Variants in TXNRD1 observed in about 807,000 individuals in gnomAD.
The protein encoded by TXNRD1 is thioredoxin reductase 1, cytoplasmic.
TXNRD1 carries 57 observed loss-of-function variants against 80.3 expected under a neutral mutation model. The ratio of observed to expected loss-of-function variants is 0.71; its 90% CI spans 0.57 to 0.89. TXNRD1 has a LOEUF of 0.89. Ranked by LOEUF, TXNRD1 falls within the 40% of genes least tolerant of loss-of-function variation. The probability of loss-of-function intolerance (pLI) is 0.00; values close to 1 mark genes in which losing one functional copy is unlikely to be tolerated. For missense variants in TXNRD1, 730 were observed against 803.0 expected, an observed-to-expected ratio of 0.91 and a Z score of 1.10; for synonymous variants, 291 against 285.2, an observed-to-expected ratio of 1.02 and a Z score of -0.20.
intron 3 of TXNRD1, among the ~76,000 whole-genome samples, chr12:104,258,539 T>C (rs529981951): frequency 2.1e-4 from 32 of 152,212 alleles, no homozygotes; most frequent in African/African-American, 6.7e-4. Context: ...GAGAGAAAGA[T>C]TGGTGGAGTA....
At chr12:104,306,853 T>C (rs2034936795) in intron 4 of TXNRD1, among the ~76,000 whole-genome samples, 2 of 152,178 alleles carry the variant, frequency 1.3e-5, no homozygotes, top group African/African-American at 4.8e-5. Flanking sequence ...AGAGATCTGC[T>C]GTTGGAAGAA....
intron 3 of TXNRD1, 102 bp downstream of exon 3, chr12:104,258,181 T>TAAAC: frequency 1.2e-6 from 1 of 854,846 alleles, no homozygotes; most frequent in African/African-American, 1.7e-5. Flanking sequence ...TTTTATTGTT[T>TAAAC]AGTGAGCACT....
intron 4 of TXNRD1, chr12:104,309,916 T>C (rs990045644): frequency 1.0e-5 from 16 of 1,536,032 alleles, no homozygotes; most frequent in Non-Finnish European, 1.3e-5. Context: ...CTTCAGTCCC[T>C]GAGCCACTAC....
At chr12:104,318,498 C>G (rs973738501) in intron 7 of TXNRD1, among the ~76,000 whole-genome samples, 1 of 152,166 alleles carries the variant, frequency 6.6e-6, no homozygotes, top group African/African-American at 2.4e-5. Flanking sequence ...TGGATTGGCC[C>G]ATGGTGCAGT....
chr12:104,278,224 G>A (rs1753484148), intron 3 of TXNRD1, among the ~76,000 whole-genome samples: 1 of 118,636 alleles, frequency 8.4e-6, no homozygotes, highest in Admixed American at 1.1e-4. Context: ...TTTTTGAGAC[G>A]GAGTCTTGCT....
chr12:104,266,448 C>T (rs1275151305), intron 3 of TXNRD1, among the ~76,000 whole-genome samples: 1 of 149,378 alleles, frequency 6.7e-6, no homozygotes, highest in Non-Finnish European at 1.5e-5. Flanking sequence ...ATCGCTTGAA[C>T]CCGGGAGGTG....
chr12:104,307,245 T>TA (rs1365212641), intron 4 of TXNRD1, among the ~76,000 whole-genome samples: 4 of 152,228 alleles, frequency 2.6e-5, no homozygotes, highest in African/African-American at 9.6e-5. Context: ...TTCTTGCTAA[T>TA]ACGTTTGTAT....
chr12:104,322,566 A>C (rs1278568930), intron 10 of TXNRD1, among the ~76,000 whole-genome samples: 1 of 151,674 alleles, frequency 6.6e-6, no homozygotes, highest in East Asian at 1.9e-4. Context: ...TTTTCAGTAG[A>C]GAGGGCTTTC....
chr12:104,249,203 T>C (rs1403311774), intron 1 of TXNRD1, among the ~76,000 whole-genome samples: 1 of 152,192 alleles, frequency 6.6e-6, no homozygotes, highest in African/African-American at 2.4e-5. Context: ...TGATTCTCAG[T>C]AGGTACCTTC....
At chr12:104,323,555 ACGGGGCGGC>A in intron 10 of TXNRD1, among the ~76,000 whole-genome samples, 4 of 124,666 alleles carry the variant, frequency 3.2e-5, no homozygotes, top group Admixed American at 1.5e-4. Flanking sequence ...TCCCTCCCGG[ACGGGGCGGC>A]TGGCCGGGCG....
chr12:104,348,361 A>G lies in TXNRD1; in HGVS notation c.1890A>G (p.Thr630=). ...GIHPVCAEVF[T]TLSVTKRSGA... ...TTTCTCTTCCCCTGCAGGTATTCAC[A>G]ACATTGTCTGTGACCAAGCGCTCTG... The change falls in exon 17 of 17, where the codon ACA becomes ACG. Residue 630 remains threonine, a synonymous_variant. Transcript: ENST00000525566. 6.2e-7 allele frequency: 1 copy of G among 1,613,988 alleles called. No individual in the cohort carries two copies.
intron 10 of TXNRD1, among the ~76,000 whole-genome samples, chr12:104,323,831 G>A (rs921784182): frequency 1.4e-5 from 2 of 145,730 alleles, no homozygotes; most frequent in African/African-American, 5.0e-5. Context: ...CCTCCCTCCC[G>A]GACGGGGACC....
intron 15 of TXNRD1, among the ~76,000 whole-genome samples, chr12:104,337,494 A>G (rs945938751): frequency 3.3e-5 from 5 of 152,014 alleles, no homozygotes; most frequent in African/African-American, 7.2e-5. Context: ...TGAGATTTCA[A>G]ATTTATCCAA....
chr12:104,293,720 T>C (rs1300628091), intron 4 of TXNRD1, among the ~76,000 whole-genome samples: 1 of 150,140 alleles, frequency 6.7e-6, no homozygotes, highest in Non-Finnish European at 1.5e-5. Context: ...GACGAGAGAG[T>C]GTAGAAATAA....
intron 4 of TXNRD1, chr12:104,304,352 A>C: frequency 1.2e-6 from 2 of 1,613,972 alleles, no homozygotes; most frequent in Non-Finnish European, 1.7e-6. Context: ...TGACAAGTTG[A>C]GTGATTGTGA....
At chr12:104,281,449 C>T (rs10745999) in intron 3 of TXNRD1, among the ~76,000 whole-genome samples, 81,719 of 141,570 alleles carry the variant, frequency 0.58, 24,038 homozygotes, top group East Asian at 0.83. Flanking sequence ...CTGTGTCGCC[C>T]GGGCTGGAGT....
intron 1 of TXNRD1, among the ~76,000 whole-genome samples, chr12:104,227,371 C>G (rs999204467): frequency 6.6e-6 from 1 of 152,040 alleles, no homozygotes; most frequent in African/African-American, 2.4e-5. Flanking sequence ...AGGTAATCCT[C>G]CTGCTTGAGC....
At chr12:104,267,855 CT>C (rs1360261333) in intron 3 of TXNRD1, among the ~76,000 whole-genome samples, 71 of 127,022 alleles carry the variant, frequency 5.6e-4, no homozygotes, top group Middle Eastern at 4.0e-3. Context: ...TCCTCTCTCT[CT>C]TTTTTTTTTT....
intron 16 of TXNRD1, among the ~76,000 whole-genome samples, chr12:104,342,187 G>C (rs58716236): frequency 0.055 from 8,424 of 152,158 alleles, 343 homozygotes; most frequent in Middle Eastern, 0.12. Context: ...TCCCTCCCCA[G>C]ATGTAGGGGA....
Sources: gnomAD v4.1 joint callset for allele counts (sites outside exome capture counted in the v4.1 genomes callset) on GRCh38, gnomAD v4.1.1 for gene constraint, MANE v1.5 for transcripts, NCBI Gene and HGNC (gene_info 2026-07-23, HGNC 2026-07-21) for gene names.